RNF13: variants seen among roughly 807,000 people sequenced by gnomAD.
RNF13 encodes ring finger protein 13, also known as E3 ubiquitin-protein ligase RNF13.
A neutral mutation model predicts 37.7 loss-of-function variants in RNF13; 19 were observed. That is an observed-to-expected ratio of 0.50 (90% confidence interval 0.35 to 0.74). The LOEUF is 0.74. Among genes scored for constraint, RNF13 ranks in the 30% least tolerant of loss-of-function variants. RNF13 has a pLI of 0.01. For missense variants in RNF13, 375 were observed against 453.0 expected (o/e 0.83, Z 1.56); for synonymous variants, 144 against 157.8 (o/e 0.91, Z 0.65).
chr3:149,926,511 C>A (rs1364516817), intron 8 of RNF13, among the ~76,000 whole-genome samples: 3 of 151,976 alleles, frequency 2.0e-5, no homozygotes, highest in Non-Finnish European at 4.4e-5. Flanking sequence ...TGCCCAGCCT[C>A]TTCTGTGTTT....
At chr3:149,826,708 C>T (rs1012418148) in intron 1 of RNF13, among the ~76,000 whole-genome samples, 2 of 152,044 alleles carry the variant, frequency 1.3e-5, no homozygotes, top group Non-Finnish European at 2.9e-5. Context: ...CCGCAGAGTC[C>T]CACCATCCAG....
chr3:149,928,919 A>G (rs1718913562), intron 8 of RNF13, among the ~76,000 whole-genome samples: 1 of 152,018 alleles, frequency 6.6e-6, no homozygotes, highest in African/African-American at 2.4e-5. Flanking sequence ...TAGGCATTTT[A>G]TTGTTTTAGA....
At position 149,911,987 on chromosome 3, in the gene RNF13, T is replaced by C. The variant is rs908478602; in HGVS notation, c.510T>C (p.Leu170=). The C allele has an allele frequency of 1.3e-6, 2 of 1,560,396 alleles. No individual in the cohort carries two copies. The highest frequency in any genetic ancestry group is 2.2e-5 in the East Asian group (1 of 44,504). ...DEFTYEKGGH[L]ILVPEFSLPL... ...TTTTGTTTTCTTCTAGGGGCCACCT[T>C]ATCTTAGTTCCAGAATTTAGTCTTC... Residue 170 remains leucine, a synonymous_variant, in exon 7 of 10, where the codon CTT becomes CTC. Transcript: ENST00000392894.
chr3:149,876,771 CTTTTTTTTTTTTT>C (rs768071913), intron 4 of RNF13, among the ~76,000 whole-genome samples: 2 of 82,514 alleles, frequency 2.4e-5, no homozygotes, highest in African/African-American at 5.0e-5. Flanking sequence ...GTCATCATAT[CTTTTTTTTTTTTT>C]TTTTTTTTTT....
chr3:149,957,705 G>A (rs1052706168), intron 8 of RNF13, among the ~76,000 whole-genome samples: 20 of 152,136 alleles, frequency 1.3e-4, no homozygotes, highest in African/African-American at 3.9e-4. Context: ...TTGTATGTGC[G>A]AAACACCATG....
chr3:149,960,189 GT>G, intron 9 of RNF13, 53 bp downstream of exon 9: 2 of 1,228,802 alleles, frequency 1.6e-6, no homozygotes, highest in Non-Finnish European at 2.4e-6. Context: ...TTATATTTAG[GT>G]TCCATATTCC....
intron 1 of RNF13, among the ~76,000 whole-genome samples, chr3:149,827,919 G>A (rs553138405): frequency 1.8e-4 from 28 of 152,002 alleles, no homozygotes; most frequent in African/African-American, 6.8e-4. Context: ...AGACCAGCCT[G>A]GGCAGCAAGG....
At chr3:149,917,169 A>C (rs1387024530) in intron 7 of RNF13, among the ~76,000 whole-genome samples, 1 of 152,132 alleles carries the variant, frequency 6.6e-6, no homozygotes, top group East Asian at 1.9e-4. Flanking sequence ...CAAATTGGGC[A>C]CACTTGGTTC....
At chr3:149,874,793 G>C (rs1712497434) in intron 4 of RNF13, among the ~76,000 whole-genome samples, 1 of 152,030 alleles carries the variant, frequency 6.6e-6, no homozygotes, top group Non-Finnish European at 1.5e-5. Flanking sequence ...GACTGGGTAA[G>C]GATAAAGTCA....
chr3:149,864,265 C>G (rs1457222362), intron 3 of RNF13, among the ~76,000 whole-genome samples: 1 of 151,794 alleles, frequency 6.6e-6, no homozygotes, highest in African/African-American at 2.4e-5. Flanking sequence ...AGTCTGGCCC[C>G]TCTCTTCTCC....
intron 4 of RNF13, among the ~76,000 whole-genome samples, chr3:149,874,228 G>A (rs1361932155): frequency 6.6e-6 from 1 of 152,104 alleles, no homozygotes; most frequent in Non-Finnish European, 1.5e-5. Context: ...CCTTACTTAT[G>A]TCATTCCTAA....
At chr3:149,950,285 CTGTTTG>C (rs1223727112) in intron 8 of RNF13, among the ~76,000 whole-genome samples, 1 of 151,602 alleles carries the variant, frequency 6.6e-6, no homozygotes, top group African/African-American at 2.4e-5. Context: ...ATATCTGAGT[CTGTTTG>C]TGATGCCTGC....
chr3:149,961,144 T>C lies in RNF13; in HGVS notation c.*40T>C, dbSNP rs529701564. On this transcript the variant is annotated 3_prime_UTR_variant, in exon 10 of 10. Transcript: ENST00000392894. ...TTGGTTTATTTCCCTTTAAAATGAT[T>C]AGGTATATACTGTAATTTGATTTTT... 1 of 1,534,092 alleles carries C rather than the reference T, an allele frequency of 6.5e-7. No homozygotes were observed. The highest frequency in any genetic ancestry group is 1.4e-5 in the African/African-American group (1 of 72,750).
chr3:149,846,781 T>C (rs1722678853), intron 2 of RNF13, among the ~76,000 whole-genome samples: 1 of 152,240 alleles, frequency 6.6e-6, no homozygotes, highest in Admixed American at 6.5e-5. Flanking sequence ...AGTACATCTC[T>C]TAATGACTGT....
Position 149,837,833 on chromosome 3 carries a change from C to T in RNF13, c.-16-8178C>T, listed in dbSNP as rs556454838. On this transcript the variant is annotated intron_variant, in intron 1 of 9. Coordinates refer to ENST00000392894, the MANE Select transcript of RNF13 (RefSeq NM_183381.3). ...ACCAATCATGCCTTCCAAAAGTCCC[C>T]CAAAGTCTTAATTCATTTCAGCATT... Among the ~76,000 whole-genome samples, 78 of 152,192 alleles carry T rather than the reference C, an allele frequency of 5.1e-4. 1 individual carries two copies. In the South Asian group the frequency reaches 5.4e-3, roughly 11 times the overall value.
intron 3 of RNF13, among the ~76,000 whole-genome samples, chr3:149,868,155 A>AT (rs1399941495): frequency 1.1e-4 from 16 of 151,352 alleles, no homozygotes; most frequent in African/African-American, 2.7e-4. Flanking sequence ...TGTAGCTATA[A>AT]TTTTTTTTGT....
intron 1 of RNF13, among the ~76,000 whole-genome samples, chr3:149,833,594 A>G (rs1310748250): frequency 6.6e-6 from 1 of 152,200 alleles, no homozygotes; most frequent in African/African-American, 2.4e-5. Context: ...CACCCAACAA[A>G]CTGAAAATAG....
intron 7 of RNF13, among the ~76,000 whole-genome samples, chr3:149,919,315 A>G (rs904114745): frequency 6.6e-6 from 1 of 152,184 alleles, no homozygotes; most frequent in African/African-American, 2.4e-5. Context: ...CACCACCACC[A>G]CAATCAAGAT....
At chr3:149,898,385 A>G (rs1448341411) in intron 5 of RNF13, among the ~76,000 whole-genome samples, 1 of 152,042 alleles carries the variant, frequency 6.6e-6, no homozygotes, top group Non-Finnish European at 1.5e-5. Flanking sequence ...CACTGTGACT[A>G]TAGGAAGTAA....
Sources: gnomAD v4.1 joint callset for allele counts (sites outside exome capture counted in the v4.1 genomes callset) on GRCh38, gnomAD v4.1.1 for gene constraint, MANE v1.5 for transcripts, NCBI Gene and HGNC (gene_info 2026-07-23, HGNC 2026-07-21) for gene names.